Variants in AKAP6 observed in about 807,000 individuals in gnomAD.
The protein encoded by AKAP6 is A-kinase anchor protein 6.
AKAP6 carries 58 observed loss-of-function variants against 188.5 expected under a neutral mutation model. The ratio of observed to expected loss-of-function variants is 0.31; its 90% confidence interval spans 0.25 to 0.38. The LOEUF (loss-of-function observed/expected upper bound fraction) is 0.38, where lower values mean the gene tolerates loss of function less well. Ranked by LOEUF, AKAP6 falls within the 10% of genes least tolerant of loss-of-function variation. The pLI, the probability that AKAP6 is intolerant of heterozygous loss-of-function variation, is 1.00. For missense variants in AKAP6, 2,710 were observed against 2,740.0 expected, an observed-to-expected ratio of 0.99 and a Z score of 0.24; for synonymous variants, 989 against 998.6, an observed-to-expected ratio of 0.99 and a Z score of 0.18.
chr14:32,535,692 C>G lies in AKAP6; in HGVS notation c.463C>G (p.Arg155Gly), dbSNP rs1335831849. The G allele has an allele frequency of 6.2e-7, 1 of 1,614,106 alleles. No individual in the cohort carries two copies. Among genetic ancestry groups the G allele is most frequent in the Non-Finnish European group, 8.5e-7 (1 of 1,180,036 alleles). The change falls in exon 3 of 14, where the codon CGA becomes GGA. Residue 155 changes from arginine to glycine, a missense_variant. Coordinates refer to ENST00000280979, the MANE Select transcript of AKAP6 (RefSeq NM_004274.5). ...AGTGCAGCTCCTCTGGCACCAGCTTCGAGTCTCAGTGCTGGTTCTGCGGGA... is the reference window on the plus strand; with the variant it reads ...AGTGCAGCTCCTCTGGCACCAGCTTGGAGTCTCAGTGCTGGTTCTGCGGGA... ...HAVQLLWHQL[R>G]VSVLVLRERI...
At chr14:32,417,590 G>A (rs1268820420) in intron 1 of AKAP6, among the ~76,000 whole-genome samples, 3 of 152,026 alleles carry the variant, frequency 2.0e-5, no homozygotes, top group Non-Finnish European at 4.4e-5. Context: ...GCTCAGCAAG[G>A]GAGTACTAAA....
intron 2 of AKAP6, among the ~76,000 whole-genome samples, chr14:32,434,734 C>A (rs1890327277): frequency 6.6e-6 from 1 of 152,214 alleles, no homozygotes; most frequent in African/African-American, 2.4e-5. Context: ...TTACAGGATG[C>A]AGCCATCAGC....
chr14:32,750,260 A>G (rs567790915), intron 11 of AKAP6, among the ~76,000 whole-genome samples: 11 of 152,152 alleles, frequency 7.2e-5, no homozygotes, highest in Non-Finnish European at 1.3e-4. Context: ...TGCCACTTTT[A>G]CAATTTAAAA....
At chr14:32,766,972 G>A (rs1042706049) in intron 11 of AKAP6, among the ~76,000 whole-genome samples, 2 of 151,998 alleles carry the variant, frequency 1.3e-5, no homozygotes, top group Non-Finnish European at 2.9e-5. Flanking sequence ...TCCATTTTGT[G>A]TTAGTTTTGT....
chr14:32,646,072 C>G (rs1253596324), intron 7 of AKAP6, among the ~76,000 whole-genome samples: 2 of 151,958 alleles, frequency 1.3e-5, no homozygotes, highest in Non-Finnish European at 2.9e-5. Flanking sequence ...GCCAACTCTT[C>G]TGGTTGTGAT....
chr14:32,409,752 T>A (rs1889420551), intron 1 of AKAP6, among the ~76,000 whole-genome samples: 1 of 152,212 alleles, frequency 6.6e-6, no homozygotes, highest in Admixed American at 6.6e-5. Flanking sequence ...TGAAAGGTAA[T>A]AAAATTCTAC....
intron 7 of AKAP6, among the ~76,000 whole-genome samples, chr14:32,639,456 A>G (rs1429821147): frequency 6.6e-6 from 1 of 152,130 alleles, no homozygotes; most frequent in Admixed American, 6.6e-5. Flanking sequence ...CAATCCCAAT[A>G]AAAAGAATCA....
In AKAP6 at chr14:32,617,525, C is replaced by T. The variant is rs76562757; in HGVS notation, c.2730+16733C>T. On this transcript the variant is annotated intron_variant, in intron 7 of 13. Transcript: ENST00000280979. ...TTGTTCTGCACACTGCAATGCTCAG[C>T]GTAATATATCCCTCAAAGACTATTC... Among the ~76,000 whole-genome samples the T allele has an allele frequency of 3.0e-3, 456 of 152,256 alleles. 1 individual carries two copies. The highest frequency in any genetic ancestry group is 5.2e-3 in the Non-Finnish European group (351 of 68,026).
intron 7 of AKAP6, among the ~76,000 whole-genome samples, chr14:32,635,886 C>T (rs1457134726): frequency 2.0e-5 from 3 of 151,828 alleles, no homozygotes; most frequent in Non-Finnish European, 4.4e-5. Context: ...ATTATAAAGC[C>T]ATGTTTATTA....
At chr14:32,602,849 G>A (rs898990661) in intron 7 of AKAP6, among the ~76,000 whole-genome samples, 21 of 152,280 alleles carry the variant, frequency 1.4e-4, no homozygotes, top group Middle Eastern at 6.8e-3. Context: ...CCCTTTGATC[G>A]CAGAGCCCGT....
At chr14:32,399,949 G>C (rs76424834) in intron 1 of AKAP6, among the ~76,000 whole-genome samples, 3,018 of 152,160 alleles carry the variant, frequency 0.02, 41 homozygotes, top group Middle Eastern at 0.034. Flanking sequence ...GCAAGCTTTC[G>C]TTATCTGTGA....
intron 1 of AKAP6, among the ~76,000 whole-genome samples, chr14:32,350,393 CTAGGGAT>C (rs1887226274): frequency 6.6e-6 from 1 of 152,024 alleles, no homozygotes; most frequent in Non-Finnish European, 1.5e-5. Context: ...TGGGGACATT[CTAGGGAT>C]ACTTGGCCTG....
Position 32,830,041 on chromosome 14 carries a change from G to A in AKAP6, c.*236G>A, listed in dbSNP as rs751590762. ...TTCTCTTTAGGTGATCGTCTTTGAA[G>A]TTCAGCAAAGCTGCTTGTTCTCCCA... On this transcript the variant is annotated 3_prime_UTR_variant, in exon 14 of 14. Transcript: ENST00000280979. 1.5e-6 allele frequency: 1 copy of A among 687,690 alleles called. No homozygotes were observed. Among genetic ancestry groups the A allele is most frequent in the Non-Finnish European group, 2.7e-6 (1 of 376,420 alleles). The allele number at this position is 687,690 out of a possible 1,614,324, so 42.6% of individuals were successfully genotyped here.
intron 7 of AKAP6, among the ~76,000 whole-genome samples, chr14:32,623,602 T>C (rs1886898033): frequency 6.6e-6 from 1 of 152,122 alleles, no homozygotes; most frequent in Non-Finnish European, 1.5e-5. Flanking sequence ...CTGCAAAATA[T>C]TTGACACTTG....
chr14:32,660,612 C>A, intron 7 of AKAP6, among the ~76,000 whole-genome samples: 1 of 152,116 alleles, frequency 6.6e-6, no homozygotes. Context: ...TTTGTTTCCC[C>A]CCAGGTTCTA....
intron 12 of AKAP6, among the ~76,000 whole-genome samples, chr14:32,803,969 A>G (rs1225881456): frequency 1.3e-5 from 2 of 152,154 alleles, no homozygotes; most frequent in Non-Finnish European, 2.9e-5. Context: ...TAGTCCGTTA[A>G]TGGGTCTGAT....
At chr14:32,756,107 T>C (rs1594914944) in intron 11 of AKAP6, among the ~76,000 whole-genome samples, 1 of 152,274 alleles carries the variant, frequency 6.6e-6, no homozygotes, top group Admixed American at 6.5e-5. Context: ...CCTGGATTCA[T>C]AGGGACTTGC....
chr14:32,820,468 T>A (rs1485122500), intron 12 of AKAP6, among the ~76,000 whole-genome samples: 1 of 151,722 alleles, frequency 6.6e-6, no homozygotes, highest in Non-Finnish European at 1.5e-5. Flanking sequence ...GGGTCCCAAG[T>A]GGGCAGGCAG....
intron 7 of AKAP6, among the ~76,000 whole-genome samples, chr14:32,654,699 AT>A (rs1355863304): frequency 2.0e-5 from 3 of 148,540 alleles, no homozygotes; most frequent in African/African-American, 7.5e-5. Flanking sequence ...AAAAAAAAAA[AT>A]TAGCTGGGCA....
Sources: gnomAD v4.1 joint callset for allele counts (sites outside exome capture counted in the v4.1 genomes callset) on GRCh38, gnomAD v4.1.1 for gene constraint, MANE v1.5 for transcripts, NCBI Gene and HGNC (gene_info 2026-07-23, HGNC 2026-07-21) for gene names.